The following NASP variants were observed in gnomAD, a reference collection of about 807,000 sequenced individuals.
NASP encodes nuclear autoantigenic sperm protein.
NASP carries 24 observed loss-of-function variants against 89.5 expected under a neutral mutation model. That is an observed-to-expected ratio of 0.27 (90% CI 0.19 to 0.38). The LOEUF (loss-of-function observed/expected upper bound fraction) is 0.38, where lower values mean the gene tolerates loss of function less well. Among genes scored for constraint, NASP ranks in the 10% least tolerant of loss-of-function variants. The pLI is 1.00. For synonymous variants in NASP, 306 were observed against 324.7 expected, an observed-to-expected ratio of 0.94 and a Z score of 0.62; for missense variants, 848 against 921.4, an observed-to-expected ratio of 0.92 and a Z score of 1.03.
At chr1:45,584,423 G>T (rs991877628) in intron 1 of NASP, among the ~76,000 whole-genome samples, 1 of 152,202 alleles carries the variant, frequency 6.6e-6, no homozygotes, top group African/African-American at 2.4e-5. Context: ...CCCCTGCCCC[G>T]CTTTTCGCGG....
chr1:45,617,674 TC>T, intron 14 of NASP, 83 bp downstream of exon 14: 1 of 1,427,026 alleles, frequency 7.0e-7, no homozygotes, highest in Non-Finnish European at 9.4e-7. Flanking sequence ...AAGTGCATGC[TC>T]CCCACCTTGA....
intron 2 of NASP, among the ~76,000 whole-genome samples, chr1:45,595,584 A>G (rs1643676374): frequency 6.6e-6 from 1 of 152,180 alleles, no homozygotes; most frequent in African/African-American, 2.4e-5. Context: ...GGATAATGTA[A>G]GATCAAAACT....
chr1:45,618,795 AGTTTT>A lies in NASP; in HGVS notation c.*658_*662del, dbSNP rs1387249099. Reference sequence around the variant, plus strand: ...CATATGTGGGGAGGCTGGCTGGTTGAGTTTTGTTATTTTCTGTATAGAAAGGTTGA... The same window carrying A: ...CATATGTGGGGAGGCTGGCTGGTTGAGTTATTTTCTGTATAGAAAGGTTGA... On this transcript the variant is annotated 3_prime_UTR_variant, in exon 15 of 15. Transcript: ENST00000350030. The A allele has an allele frequency of 3.3e-5, 5 of 152,168 alleles. No individual in the cohort carries two copies. The highest frequency in any genetic ancestry group is 7.3e-5 in the Non-Finnish European group (5 of 68,058). 9.4% of individuals were successfully genotyped at this position (152,168 alleles called of 1,614,324 possible). A position where few individuals can be genotyped will look rare whatever the true frequency, so the allele number is the denominator to read the frequency against.
At position 45,607,589 on chromosome 1, in the gene NASP, G is replaced by T; in HGVS notation, c.678G>T (p.Glu226Asp). The change falls in exon 6 of 15, where the codon GAG (glutamate) becomes GAT (aspartate). Residue 226 changes from glutamate to aspartate, a missense_variant. Around this residue, in one of 5 missense-constraint regions of NASP, gnomAD observed 464 missense variants for 469.4 expected, o/e 0.99. Transcript: ENST00000350030. ...GAAPEGPNEAEVTSGKPEQEV... is the reference protein window; with the variant it reads ...GAAPEGPNEADVTSGKPEQEV... ...CACCAGAAGGACCGAATGAAGCTGA[G>T]GTCACTTCTGGGAAGCCAGAACAGG... 1 of 1,613,932 alleles carries T rather than the reference G, an allele frequency of 6.2e-7. No homozygotes were observed. The highest frequency in any genetic ancestry group is 8.5e-7 in the Non-Finnish European group (1 of 1,179,888).
chr1:45,616,383 C>T lies in NASP; in HGVS notation c.2069C>T (p.Ser690Leu). The change falls in exon 12 of 15, where the codon TCA becomes TTA. Residue 690 changes from serine (S) to leucine (L), a missense_variant. Transcript: ENST00000350030. The stretch of plus-strand genomic sequence containing the variant: ...TTCACTCCTGGTGGAGGAGGCTCTT[C>T]AGTCTCCATGGTGCGTATTCAGGTG... ...SGFTPGGGGSSVSMIASRKPT... is the reference protein window; with the variant it reads ...SGFTPGGGGSLVSMIASRKPT... 1.9e-6 allele frequency: 3 copies of T among 1,614,040 alleles called. No individual in the cohort carries two copies. Among genetic ancestry groups the T allele is most frequent in the Non-Finnish European group, 1.7e-6 (2 of 1,179,902 alleles).
intron 2 of NASP, among the ~76,000 whole-genome samples, chr1:45,597,913 C>T (rs569646747): frequency 5.9e-5 from 9 of 152,240 alleles, no homozygotes; most frequent in African/African-American, 1.9e-4. Context: ...CGTTTGTTGA[C>T]CCCCTCATAC....
chr1:45,615,288 C>A lies in NASP; in HGVS notation c.1856-17C>A, dbSNP rs1440965873. 12 of 1,612,308 alleles carry A rather than the reference C, an allele frequency of 7.4e-6. No individual in the cohort carries two copies. Among genetic ancestry groups the A allele is most frequent in the Non-Finnish European group, 1.0e-5 (12 of 1,179,164 alleles). On this transcript the variant is annotated splice_polypyrimidine_tract_variant and intron_variant, in intron 10 of 14. Coordinates refer to ENST00000350030, the MANE Select transcript of NASP (RefSeq NM_002482.4). ...AGTTCTTTTTTGAGCCATTACTAAT[C>A]ACTTTATTCTTTTTAGCTGTACTAA... is the stretch of plus-strand genomic sequence containing the variant.
chr1:45,587,172 T>A lies in NASP; in HGVS notation c.59+2967T>A, dbSNP rs191598129. Among the ~76,000 whole-genome samples, 583 of 152,238 alleles carry A rather than the reference T, an allele frequency of 3.8e-3. 5 individuals are homozygous for A. The highest frequency in any genetic ancestry group is 6.8e-3 in the Non-Finnish European group (462 of 68,010). The stretch of plus-strand genomic sequence containing the variant: ...ATCCTGTCATTCTTAGCTTTCTAAC[T>A]AGTTCTTAGTTGGTTTTTTTTTGTT... On this transcript the variant is annotated intron_variant, in intron 1 of 14. Transcript: ENST00000350030.
chr1:45,614,466 G>T (rs747171399), intron 9 of NASP, 100 bp downstream of exon 9: 1 of 936,818 alleles, frequency 1.1e-6, no homozygotes, highest in Admixed American at 1.9e-5. Context: ...AAAAAGATAG[G>T]TCTGTGTTCC....
At chr1:45,593,641 T>A (rs1438907276) in intron 2 of NASP, among the ~76,000 whole-genome samples, 1 of 150,680 alleles carries the variant, frequency 6.6e-6, no homozygotes, top group East Asian at 1.9e-4. Context: ...TAAAATTAAA[T>A]GAGTGCTGGC....
At chr1:45,610,452 C>T (rs1222896428) in intron 6 of NASP, 2 of 152,202 alleles carry the variant, frequency 1.3e-5, no homozygotes, top group African/African-American at 4.8e-5. Context: ...ACTTTCTGTG[C>T]TTTATTTCCC....
intron 6 of NASP, chr1:45,611,460 T>TG (rs1644007990): frequency 8.7e-6 from 1 of 115,540 alleles, no homozygotes; most frequent in African/African-American, 4.2e-5. Flanking sequence ...CCATTACTTT[T>TG]TTTTTTTTTT....
At chr1:45,591,127 CTT>C (rs2148332098) in intron 1 of NASP, 94 bp from the exon 2 acceptor site, 2 of 715,064 alleles carry the variant, frequency 2.8e-6, no homozygotes, top group Non-Finnish European at 4.6e-6. Flanking sequence ...AATGACAGCT[CTT>C]TTATTCCTTT....
At chr1:45,617,939 T>C (rs2148378585) in intron 14 of NASP, 122 bp from the exon 15 acceptor site, 1 of 805,956 alleles carries the variant, frequency 1.2e-6, no homozygotes, top group Non-Finnish European at 2.0e-6. Flanking sequence ...GCCCTCTTAA[T>C]ATAGGGAGCA....
At chr1:45,588,186 C>T (rs1161124824) in intron 1 of NASP, among the ~76,000 whole-genome samples, 1 of 152,174 alleles carries the variant, frequency 6.6e-6, no homozygotes, top group Non-Finnish European at 1.5e-5. Context: ...TCACCGCAGT[C>T]TCCACCTCCA....
At chr1:45,585,524 C>G (rs1644520848) in intron 1 of NASP, among the ~76,000 whole-genome samples, 1 of 152,158 alleles carries the variant, frequency 6.6e-6, no homozygotes, top group African/African-American at 2.4e-5. Context: ...ACTCCCATTA[C>G]CTGCCTCTTT....
intron 3 of NASP, among the ~76,000 whole-genome samples, chr1:45,602,799 C>G (rs1312716149): frequency 1.3e-5 from 2 of 152,068 alleles, no homozygotes; most frequent in Non-Finnish European, 2.9e-5. Flanking sequence ...TTTTGTATTT[C>G]TTTTGGTAGA....
chr1:45,615,214 G>T lies in NASP; in HGVS notation c.1855+13G>T. 1 of 1,613,420 alleles carries T rather than the reference G, an allele frequency of 6.2e-7. No individual in the cohort carries two copies. Among genetic ancestry groups the T allele is most frequent in the Non-Finnish European group, 8.5e-7 (1 of 1,179,502 alleles). On this transcript the variant is annotated intron_variant, in intron 10 of 14. Coordinates refer to ENST00000350030, the MANE Select transcript of NASP (RefSeq NM_002482.4). ...GAGAACAGAATGGGTGAGTGAAGACGAGCTGCTTCATGGTGATGTTGGATC... is the reference window on the plus strand; with the variant it reads ...GAGAACAGAATGGGTGAGTGAAGACTAGCTGCTTCATGGTGATGTTGGATC...
At chr1:45,585,765 T>A (rs1407991846) in intron 1 of NASP, among the ~76,000 whole-genome samples, 1 of 152,172 alleles carries the variant, frequency 6.6e-6, no homozygotes, top group Non-Finnish European at 1.5e-5. Flanking sequence ...TGGGCACAAC[T>A]GATCTTCCCT....
Sources: allele counts gnomAD v4.1 joint callset (sites outside exome capture counted in the v4.1 genomes callset), GRCh38; gene constraint gnomAD v4.1.1; regional missense constraint gnomAD v4.1.1; transcripts MANE v1.5; gene names NCBI Gene and HGNC (gene_info 2026-07-23, HGNC 2026-07-21).